OSBPL3: variants seen among roughly 807,000 people sequenced by gnomAD.
OSBPL3 encodes oxysterol-binding protein-related protein 3.
Under a neutral mutation model 120.1 loss-of-function variants are expected in OSBPL3, and 65 were observed. The observed-to-expected ratio is 0.54, with a 90% CI of 0.44 to 0.67. OSBPL3 has a LOEUF of 0.67. Among genes scored for constraint, OSBPL3 ranks in the 30% least tolerant of loss-of-function variants. OSBPL3 has a pLI of 0.00. For missense variants in OSBPL3, 1,004 were observed against 1,082.1 expected, an observed-to-expected ratio of 0.93 and a Z score of 1.01; for synonymous variants, 416 against 402.6, an observed-to-expected ratio of 1.03 and a Z score of -0.40.
intron 2 of OSBPL3, among the ~76,000 whole-genome samples, chr7:24,880,116 G>A (rs190521293): frequency 6.6e-6 from 1 of 152,236 alleles, no homozygotes; most frequent in African/African-American, 2.4e-5. Context: ...TTGTGGTAGT[G>A]ATTATAGTTA....
chr7:24,839,841 T>A (rs1325348969), intron 14 of OSBPL3, among the ~76,000 whole-genome samples: 1 of 151,544 alleles, frequency 6.6e-6, no homozygotes, highest in African/African-American at 2.4e-5. Flanking sequence ...AATACAAAAC[T>A]TAGCTGGGCA....
rs1382047099 is a variant in OSBPL3 at position 24,938,325 on chromosome 7, A to G, written c.-150+41561T>C. 1.3e-5 allele frequency among the ~76,000 whole-genome samples: 2 copies of G among 152,262 alleles called. No individual in the cohort carries two copies. The highest frequency in any genetic ancestry group is 2.9e-5 in the Non-Finnish European group (2 of 68,042). On this transcript the variant is annotated intron_variant, in intron 1 of 22. Coordinates refer to ENST00000313367, the MANE Select transcript of OSBPL3 (RefSeq NM_015550.4). The surrounding 1 kb of genome is among the most constrained non-coding windows in gnomAD (Gnocchi z 5.8). ...GCCCTCACCAGACACTGAATCTGCC[A>G]GCACCTTGATCGTGGACTTCACAGT...
At chr7:24,924,509 C>T (rs1229947082) in intron 1 of OSBPL3, among the ~76,000 whole-genome samples, 10 of 152,198 alleles carry the variant, frequency 6.6e-5, no homozygotes, top group Admixed American at 2.6e-4. Context: ...CTACACAGAA[C>T]TGGTTCTAAG....
intron 5 of OSBPL3, among the ~76,000 whole-genome samples, chr7:24,866,610 C>T (rs541933694): frequency 6.6e-6 from 1 of 151,998 alleles, no homozygotes; most frequent in South Asian, 2.1e-4. Context: ...CACTGCACTC[C>T]AGCCTGGGTG....
In OSBPL3 at chr7:24,942,786, C is replaced by A. The variant is rs112789250; in HGVS notation, c.-150+37100G>T. ...AGTCAAAAACACTGATATTTTTGCA[C>A]GTATGAACATCCCTATTAAGTGGGA... On this transcript the variant is annotated intron_variant, in intron 1 of 22. Transcript: ENST00000313367. Among the ~76,000 whole-genome samples, 1,209 of 152,294 alleles carry A rather than the reference C, an allele frequency of 7.9e-3. 14 individuals carry two copies. Among genetic ancestry groups the A allele is most frequent in the African/African-American group, 0.026 (1,071 of 41,566 alleles).
chr7:24,800,349 C>T, intron 22 of OSBPL3, 70 bp from the exon 23 acceptor site: 2 of 852,172 alleles, frequency 2.3e-6, no homozygotes, highest in South Asian at 1.5e-5. Context: ...TCTTTCCTTC[C>T]TAACCTCCCT....
At chr7:24,882,744 G>A (rs1803896764) in intron 2 of OSBPL3, among the ~76,000 whole-genome samples, 1 of 152,086 alleles carries the variant, frequency 6.6e-6, no homozygotes, top group African/African-American at 2.4e-5. Flanking sequence ...CCAACATGTT[G>A]TTGTCTTTGT....
chr7:24,817,373 T>C lies in OSBPL3; in HGVS notation c.1949-685A>G, dbSNP rs139405204. On this transcript the variant is annotated intron_variant, in intron 17 of 22. Coordinates refer to ENST00000313367, the MANE Select transcript of OSBPL3 (RefSeq NM_015550.4). This position sits in a 1 kb window ranked among gnomAD's most constrained non-coding sequence, Gnocchi z 4.0. Reference sequence around the variant, plus strand: ...CTCTATTAAAAATACAAAAATTAGCTGGGCGTTGTGGTGGGTGCCTGTAGT... The same window carrying C: ...CTCTATTAAAAATACAAAAATTAGCCGGGCGTTGTGGTGGGTGCCTGTAGT... 0.011 allele frequency among the ~76,000 whole-genome samples: 1,652 copies of C among 152,094 alleles called. 26 individuals are homozygous for C. Among genetic ancestry groups the C allele is most frequent in the African/African-American group, 0.038 (1,574 of 41,482 alleles).
chr7:24,907,580 C>G (rs1808131282), intron 1 of OSBPL3, among the ~76,000 whole-genome samples: 1 of 152,174 alleles, frequency 6.6e-6, no homozygotes. Flanking sequence ...CTGCACTCTC[C>G]CTTTCTCCTA....
chr7:24,884,148 T>G (rs1804126314), intron 2 of OSBPL3, among the ~76,000 whole-genome samples: 2 of 152,136 alleles, frequency 1.3e-5, no homozygotes, highest in African/African-American at 4.8e-5. Context: ...TCATCCACGT[T>G]CTTCTTGGCC....
chr7:24,816,551 A>C lies in OSBPL3; in HGVS notation c.2027+59T>G, dbSNP rs1008732719. The C allele has an allele frequency of 2.4e-6, 3 of 1,243,768 alleles. No individual in the cohort carries two copies. The African/African-American group carries it at 4.4e-5, about 18-fold the overall frequency. The allele number at this position is 1,243,768 out of a possible 1,614,324, so 77.0% of individuals were successfully genotyped here. On this transcript the variant is annotated intron_variant, in intron 18 of 22. Coordinates refer to ENST00000313367, the MANE Select transcript of OSBPL3 (RefSeq NM_015550.4). The stretch of plus-strand genomic sequence containing the variant: ...GGGCGGGGGTGGGCATCCTGTCCCC[A>C]AAGCAAAATCTTGGCCCTAAATTCC...
chr7:24,826,643 G>A (rs1488968268), intron 16 of OSBPL3, among the ~76,000 whole-genome samples: 1 of 152,126 alleles, frequency 6.6e-6, no homozygotes, highest in Non-Finnish European at 1.5e-5. Flanking sequence ...TTTCTCGCCT[G>A]TAACTGATCC....
chr7:24,974,659 G>A (rs1018955196), intron 1 of OSBPL3, among the ~76,000 whole-genome samples: 3 of 152,062 alleles, frequency 2.0e-5, no homozygotes, highest in African/African-American at 7.2e-5. Flanking sequence ...GGTATTACTA[G>A]GCAATAAAAA....
chr7:24,841,627 A>T (rs1050139014), intron 13 of OSBPL3, among the ~76,000 whole-genome samples: 3 of 140,374 alleles, frequency 2.1e-5, no homozygotes, highest in East Asian at 2.4e-4. Flanking sequence ...CCTGGGAGGC[A>T]GAGGTTGCAG....
At position 24,831,039 on chromosome 7, in the gene OSBPL3, C is replaced by T; in HGVS notation, c.1747-134G>A. On this transcript the variant is annotated intron_variant, in intron 15 of 22. Transcript: ENST00000313367. This position sits in a 1 kb window ranked among gnomAD's most constrained non-coding sequence, Gnocchi z 4.0. ...AGATTTGTCTTTGGTTGTTTTTAAA[C>T]AACATAGGTTTAAAATTGTAGGTTT... 3.5e-6 allele frequency: 3 copies of T among 850,522 alleles called. No individual in the cohort carries two copies. The highest frequency in any genetic ancestry group is 5.1e-6 in the Non-Finnish European group (3 of 584,082). 52.7% of individuals were successfully genotyped at this position (850,522 alleles called of 1,614,324 possible).
Position 24,916,966 on chromosome 7 carries a change from G to GACTTAGAAGAAGGAAGGAAGGAT in OSBPL3, c.-149-24368_-149-24346dup, listed in dbSNP as rs1016841262. On this transcript the variant is annotated intron_variant, in intron 1 of 22. Transcript: ENST00000313367. This position sits in a 1 kb window ranked among gnomAD's most constrained non-coding sequence, Gnocchi z 4.9. ...ATTAAATAAATAACTCCTATTTGAT[G>GACTTAGAAGAAGGAAGGAAGGAT]ACTTAGAAGAAGGAAGGAAGGATGG... is the stretch of plus-strand genomic sequence containing the variant. Among the ~76,000 whole-genome samples the GACTTAGAAGAAGGAAGGAAGGAT allele has an allele frequency of 3.3e-5, 5 of 151,298 alleles. No individual in the cohort carries two copies. The highest frequency in any genetic ancestry group is 1.2e-4 in the African/African-American group (5 of 41,008).
At chr7:24,942,983 C>G (rs1015924886) in intron 1 of OSBPL3, among the ~76,000 whole-genome samples, 5 of 152,216 alleles carry the variant, frequency 3.3e-5, no homozygotes, top group Non-Finnish European at 7.3e-5. Context: ...GCTATTGCTT[C>G]TTCTGCAAAG....
chr7:24,977,498 G>A (rs1817708558), intron 1 of OSBPL3, among the ~76,000 whole-genome samples: 2 of 152,250 alleles, frequency 1.3e-5, no homozygotes, highest in African/African-American at 4.8e-5. Flanking sequence ...CCTAAACCTC[G>A]TTTTCCAATT....
In OSBPL3 at chr7:24,841,849, C is replaced by T. The variant is rs544852098; in HGVS notation, c.1401+430G>A. ...CAACATGGTGAAACCCTGGTCTCTA[C>T]TAAAAACACAAAAATTAGCCAGACA... On this transcript the variant is annotated intron_variant, in intron 13 of 22. Transcript: ENST00000313367. Among the ~76,000 whole-genome samples the T allele has an allele frequency of 2.6e-5, 4 of 151,734 alleles. No homozygotes were observed. In the East Asian group the frequency reaches 7.8e-4, roughly 29 times the overall value.
Sources: gnomAD v4.1 joint callset for allele counts (sites outside exome capture counted in the v4.1 genomes callset) on GRCh38, gnomAD v4.1.1 for gene constraint, Gnocchi (gnomAD v3.1) non-coding constraint, MANE v1.5 for transcripts, NCBI Gene and HGNC (gene_info 2026-07-23, HGNC 2026-07-21) for gene names.